The following ST6GALNAC5 variants were observed in gnomAD, a reference collection of about 807,000 sequenced individuals.
The protein encoded by ST6GALNAC5 is ST6 N-acetylgalactosaminide alpha-2,6-sialyltransferase 5.
In ST6GALNAC5, 27 loss-of-function variants were observed where a neutral mutation model predicts 33.6. That is an observed-to-expected ratio of 0.80 (90% CI 0.59 to 1.11). ST6GALNAC5 has a LOEUF of 1.11. Among genes scored for constraint, ST6GALNAC5 ranks in the 50% least tolerant of loss-of-function variants. The pLI, the probability that ST6GALNAC5 is intolerant of heterozygous loss-of-function variation, is 0.00. For missense variants in ST6GALNAC5, 428 were observed against 454.0 expected (o/e 0.94, Z 0.52); for synonymous variants, 194 against 171.2 (o/e 1.13, Z -1.04).
intron 2 of ST6GALNAC5, among the ~76,000 whole-genome samples, chr1:76,896,937 C>T (rs1430715811): frequency 1.3e-5 from 2 of 152,024 alleles, no homozygotes; most frequent in Admixed American, 6.6e-5. Flanking sequence ...AGTCCTGGCT[C>T]TTGTATAAGA....
intron 2 of ST6GALNAC5, among the ~76,000 whole-genome samples, chr1:76,939,185 C>T (rs914149628): frequency 1.3e-5 from 2 of 151,926 alleles, no homozygotes; most frequent in Non-Finnish European, 2.9e-5. Flanking sequence ...GGTTGAGTGC[C>T]GTTGGGACAC....
At chr1:76,922,135 G>A (rs924240630) in intron 2 of ST6GALNAC5, among the ~76,000 whole-genome samples, 4 of 152,082 alleles carry the variant, frequency 2.6e-5, no homozygotes, top group Admixed American at 6.6e-5. Context: ...AACAAGTACT[G>A]CTAGAACTAA....
At chr1:76,917,005 A>G (rs1257504229) in intron 2 of ST6GALNAC5, among the ~76,000 whole-genome samples, 2 of 152,204 alleles carry the variant, frequency 1.3e-5, no homozygotes, top group African/African-American at 2.4e-5. Context: ...TAGAATTGCT[A>G]TACTTCTCCA....
intron 2 of ST6GALNAC5, among the ~76,000 whole-genome samples, chr1:76,897,156 G>C (rs1386340810): frequency 6.6e-6 from 1 of 152,130 alleles, no homozygotes; most frequent in Non-Finnish European, 1.5e-5. Context: ...GTACAGCCTA[G>C]GTAATTTGCT....
chr1:76,912,624 T>G (rs532379227), intron 2 of ST6GALNAC5, among the ~76,000 whole-genome samples: 1 of 151,022 alleles, frequency 6.6e-6, no homozygotes, highest in South Asian at 2.1e-4. Flanking sequence ...TGGGTGCATA[T>G]ATATTTAGGA....
At chr1:76,991,583 T>G (rs1168759825) in intron 2 of ST6GALNAC5, among the ~76,000 whole-genome samples, 1 of 152,190 alleles carries the variant, frequency 6.6e-6, no homozygotes, top group African/African-American at 2.4e-5. Context: ...TAACTCAGCC[T>G]TCTCCTCTGC....
chr1:77,005,788 A>G (rs1650387881), intron 2 of ST6GALNAC5, among the ~76,000 whole-genome samples: 1 of 152,172 alleles, frequency 6.6e-6, no homozygotes, highest in Non-Finnish European at 1.5e-5. Context: ...CCTCATATAC[A>G]TGAAATCATA....
chr1:76,988,645 T>A (rs1557750213), intron 2 of ST6GALNAC5, among the ~76,000 whole-genome samples: 1 of 152,158 alleles, frequency 6.6e-6, no homozygotes, highest in African/African-American at 2.4e-5. Flanking sequence ...TTAAATGAAA[T>A]CCTTTGACTT....
intron 2 of ST6GALNAC5, among the ~76,000 whole-genome samples, chr1:76,999,068 AG>A (rs1377073748): frequency 6.6e-6 from 1 of 152,156 alleles, no homozygotes; most frequent in Non-Finnish European, 1.5e-5. Context: ...CCAATACTGT[AG>A]GAAAATAAAA....
chr1:76,893,357 G>A (rs760605467), intron 2 of ST6GALNAC5, among the ~76,000 whole-genome samples: 81 of 152,170 alleles, frequency 5.3e-4, no homozygotes, highest in Admixed American at 2.0e-3. Flanking sequence ...GTTTAAGAAG[G>A]CATAGGAACC....
At chr1:76,881,428 C>T (rs1489197650) in intron 2 of ST6GALNAC5, among the ~76,000 whole-genome samples, 1 of 152,154 alleles carries the variant, frequency 6.6e-6, no homozygotes, top group East Asian at 1.9e-4. Context: ...GACTTATAGC[C>T]CAGGTTTGAT....
intron 2 of ST6GALNAC5, among the ~76,000 whole-genome samples, chr1:76,966,482 CT>C (rs1309675793): frequency 4.6e-5 from 7 of 152,208 alleles, no homozygotes; most frequent in African/African-American, 1.7e-4. Flanking sequence ...TGCTTATCAG[CT>C]TAAGGAGATT....
At chr1:76,996,414 A>G (rs57798660) in intron 2 of ST6GALNAC5, among the ~76,000 whole-genome samples, 8,850 of 152,286 alleles carry the variant, frequency 0.058, 475 homozygotes, top group African/African-American at 0.14. Flanking sequence ...ATTTCTTGCC[A>G]TCAAAACAAC....
At position 76,894,566 on chromosome 1, in the gene ST6GALNAC5, G is replaced by T. The variant is rs147626281; in HGVS notation, c.261+25824G>T. The stretch of plus-strand genomic sequence containing the variant: ...CTTGATAGGCACCCTATTGCCACTT[G>T]TAACTCAGCAATTGAGGTCACAGTC... On this transcript the variant is annotated intron_variant, in intron 2 of 4. Transcript: ENST00000477717. Among the ~76,000 whole-genome samples the T allele has an allele frequency of 4.9e-3, 742 of 152,228 alleles. 6 individuals are homozygous for T. The highest frequency in any genetic ancestry group is 0.017 in the African/African-American group (704 of 41,542).
chr1:77,020,861 C>T (rs1362282203), intron 2 of ST6GALNAC5, among the ~76,000 whole-genome samples: 1 of 152,228 alleles, frequency 6.6e-6, no homozygotes, highest in Non-Finnish European at 1.5e-5. Flanking sequence ...CTGATGCTGG[C>T]TGGTGGCTTG....
At chr1:76,969,351 G>C (rs1439423168) in intron 2 of ST6GALNAC5, among the ~76,000 whole-genome samples, 3 of 152,184 alleles carry the variant, frequency 2.0e-5, no homozygotes, top group African/African-American at 7.2e-5. Flanking sequence ...AATGGTCTTA[G>C]CAAACGGCAC....
At chr1:76,926,560 T>C (rs1186150244) in intron 2 of ST6GALNAC5, among the ~76,000 whole-genome samples, 3 of 152,210 alleles carry the variant, frequency 2.0e-5, no homozygotes, top group African/African-American at 7.2e-5. Flanking sequence ...AGATAGATGT[T>C]CTAGAATGTA....
intron 3 of ST6GALNAC5, among the ~76,000 whole-genome samples, chr1:77,045,081 C>T (rs1651964305): frequency 6.6e-6 from 1 of 152,152 alleles, no homozygotes; most frequent in Non-Finnish European, 1.5e-5. Context: ...TATATAAAGC[C>T]TTGGACACTT....
rs372226400 is a variant in ST6GALNAC5 at position 76,989,381 on chromosome 1, C to T, written c.262-54823C>T. Among the ~76,000 whole-genome samples, 98 of 151,934 alleles carry T rather than the reference C, an allele frequency of 6.5e-4. 1 individual carries two copies. Among genetic ancestry groups the T allele is most frequent in the African/African-American group, 9.2e-4 (38 of 41,450 alleles). ...ATACTTTCCCTGAATTATTCCATTA[C>T]TGTGTTATATATCATCTTTCATCCA... On this transcript the variant is annotated intron_variant, in intron 2 of 4. Coordinates refer to ENST00000477717, the MANE Select transcript of ST6GALNAC5 (RefSeq NM_030965.3).
Sources: gnomAD v4.1 joint callset for allele counts (sites outside exome capture counted in the v4.1 genomes callset) on GRCh38, gnomAD v4.1.1 for gene constraint, MANE v1.5 for transcripts, NCBI Gene and HGNC (gene_info 2026-07-23, HGNC 2026-07-21) for gene names.